The following TUSC3 variants were observed in gnomAD, a reference collection of about 807,000 sequenced individuals.
TUSC3 encodes the protein tumor suppressor candidate 3.
TUSC3 carries 45 observed loss-of-function variants against 44.8 expected under a neutral mutation model. The ratio of observed to expected loss-of-function variants is 1.00; its 90% CI spans 0.79 to 1.29. The LOEUF (loss-of-function observed/expected upper bound fraction) is 1.29, where lower values mean the gene tolerates loss of function less well. Among genes scored for constraint, TUSC3 ranks in the 50% most tolerant of loss-of-function variants. The pLI is 0.00. For missense variants in TUSC3, 519 were observed against 437.9 expected (o/e 1.19, Z -1.65); for synonymous variants, 212 against 152.9 (o/e 1.39, Z -2.85).
chr8:15,592,994 A>G (rs1371669449), intron 1 of TUSC3, among the ~76,000 whole-genome samples: 1 of 152,218 alleles, frequency 6.6e-6, no homozygotes, highest in Non-Finnish European at 1.5e-5. Flanking sequence ...GTGTGAGGAA[A>G]GGTCAGGTTT....
chr8:15,536,906 C>G (rs1296049058), upstream of TUSC3, among the ~76,000 whole-genome samples: 5 of 151,738 alleles, frequency 3.3e-5, no homozygotes, highest in South Asian at 2.1e-4. Flanking sequence ...CCCTGTATAT[C>G]ATGACTTACT....
intron 2 of TUSC3, among the ~76,000 whole-genome samples, chr8:15,506,724 A>G (rs1801056208): frequency 2.0e-5 from 3 of 152,152 alleles, no homozygotes. Flanking sequence ...CGTCCCCATG[A>G]TTCAGTTACC....
intron 1 of TUSC3, among the ~76,000 whole-genome samples, chr8:15,453,292 G>A (rs1800216829): frequency 6.6e-6 from 1 of 152,062 alleles, no homozygotes; most frequent in African/African-American, 2.4e-5. Flanking sequence ...AACCATGAAA[G>A]CAATAAACTC....
the TUSC3 span, among the ~76,000 whole-genome samples, chr8:15,786,193 A>T: frequency 6.6e-6 from 1 of 152,346 alleles, no homozygotes; most frequent in South Asian, 2.1e-4. Flanking sequence ...ACCTCTAAAG[A>T]GACCACTGCA....
chr8:15,689,166 T>A (rs1808778656), intron 6 of TUSC3: 1 of 409,116 alleles, frequency 2.4e-6, no homozygotes, highest in South Asian at 2.0e-5. Flanking sequence ...CCACTCTGCT[T>A]CTTGCTTCGG....
rs150069166 is a variant in TUSC3, at chr8:15,631,766, C to T, written c.308+8517C>T. 4.5e-3 allele frequency among the ~76,000 whole-genome samples: 685 copies of T among 151,804 alleles called. 5 individuals are homozygous for T. The highest frequency in any genetic ancestry group is 0.016 in the African/African-American group (665 of 41,380). On this transcript the variant is annotated intron_variant, in intron 2 of 10. Coordinates refer to ENST00000503731, the MANE Select transcript of TUSC3 (RefSeq NM_006765.4). ...TGTCACCCAGGCTGGAGTGCAGTGG[C>T]GCGATCATGGCTCACTACAACCTCT...
At chr8:15,533,982 C>G (rs1019209369) in intron 2 of TUSC3, among the ~76,000 whole-genome samples, 2 of 151,974 alleles carry the variant, frequency 1.3e-5, no homozygotes, top group African/African-American at 2.4e-5. Context: ...ACGCAGATGG[C>G]CTTTGGGTTG....
At chr8:15,678,053 G>A (rs73528515) in intron 6 of TUSC3, among the ~76,000 whole-genome samples, 1 of 152,156 alleles carries the variant, frequency 6.6e-6, no homozygotes, top group Non-Finnish European at 1.5e-5. Context: ...CAAAAAACAT[G>A]TTTATCCAGT....
chr8:15,704,308 A>T (rs1046588782), intron 6 of TUSC3, among the ~76,000 whole-genome samples: 2 of 144,608 alleles, frequency 1.4e-5, no homozygotes, highest in Non-Finnish European at 3.0e-5. Flanking sequence ...TGTAGTAATG[A>T]GAGTGAGGAA....
the TUSC3 span, among the ~76,000 whole-genome samples, chr8:15,847,608 A>G: frequency 7.2e-5 from 11 of 152,184 alleles, 1 homozygote; most frequent in Admixed American, 6.6e-4. Flanking sequence ...ATTTTAAAGT[A>G]CTTTTAAAAA....
At chr8:15,789,396 A>C in the TUSC3 span, among the ~76,000 whole-genome samples, 1 of 152,172 alleles carries the variant, frequency 6.6e-6, no homozygotes, top group South Asian at 2.1e-4. Flanking sequence ...ATCTCAACCC[A>C]GCCACTTTGG....
At chr8:15,660,777 G>A (rs1807387147) in intron 4 of TUSC3, among the ~76,000 whole-genome samples, 1 of 151,290 alleles carries the variant, frequency 6.6e-6, no homozygotes, top group African/African-American at 2.4e-5. Context: ...TTTAGTTGGT[G>A]CAAGACATTA....
chr8:15,653,455 T>C (rs1807009903), intron 3 of TUSC3, among the ~76,000 whole-genome samples: 1 of 152,228 alleles, frequency 6.6e-6, no homozygotes, highest in Non-Finnish European at 1.5e-5. Flanking sequence ...TATAAATAAA[T>C]GGTTACATAT....
chr8:15,757,842 C>A lies in TUSC3; in HGVS notation c.*33C>A. 7.3e-7 allele frequency: 1 copy of A among 1,379,112 alleles called. No individual in the cohort carries two copies. The highest frequency in any genetic ancestry group is 1.0e-6 in the Non-Finnish European group (1 of 966,134). The allele number at this position is 1,379,112 out of a possible 1,614,324, so 85.4% of individuals were successfully genotyped here. A position where few individuals can be genotyped will look rare whatever the true frequency, so the allele number is the denominator to read the frequency against. On this transcript the variant is annotated 3_prime_UTR_variant, in exon 10 of 11. Coordinates refer to ENST00000503731, the MANE Select transcript of TUSC3 (RefSeq NM_006765.4). ...TGATTTGGACCATGGCACTTAAAAA[C>A]TCTATAACCTCAGGCAAGTCTTTTA...
At chr8:15,523,786 G>A (rs894428159) in intron 2 of TUSC3, among the ~76,000 whole-genome samples, 1 of 149,388 alleles carries the variant, frequency 6.7e-6, no homozygotes, top group South Asian at 2.1e-4. Flanking sequence ...GGCAGGGCGC[G>A]GAGGCTTACG....
the TUSC3 span, among the ~76,000 whole-genome samples, chr8:15,813,079 G>A: frequency 6.6e-6 from 1 of 151,980 alleles, no homozygotes; most frequent in Non-Finnish European, 1.5e-5. Context: ...GGACAACAGA[G>A]TAAGACCACG....
chr8:15,449,344 A>G (rs1194063525), intron 1 of TUSC3, among the ~76,000 whole-genome samples: 1 of 152,180 alleles, frequency 6.6e-6, no homozygotes, highest in East Asian at 1.9e-4. Flanking sequence ...AGCATGGCTC[A>G]AGCGTGGAGT....
intron 1 of TUSC3, among the ~76,000 whole-genome samples, chr8:15,470,963 G>A (rs1478290468): frequency 6.6e-6 from 1 of 151,768 alleles, no homozygotes. Flanking sequence ...GAAAATGAAT[G>A]AATGAATGAA....
chr8:15,649,457 G>A (rs1212112856), intron 2 of TUSC3, among the ~76,000 whole-genome samples: 1 of 152,114 alleles, frequency 6.6e-6, no homozygotes, highest in African/African-American at 2.4e-5. Context: ...GGTGGCGGGC[G>A]CCTGTAGTCC....
Sources: gnomAD v4.1 joint callset for allele counts (sites outside exome capture counted in the v4.1 genomes callset) on GRCh38, gnomAD v4.1.1 for gene constraint, MANE v1.5 for transcripts, NCBI Gene and HGNC (gene_info 2026-07-23, HGNC 2026-07-21) for gene names.